The following ARPP21 variants were observed in gnomAD, a reference collection of about 807,000 sequenced individuals.
ARPP21 encodes the protein cAMP-regulated phosphoprotein 21.
A neutral mutation model predicts 113.2 loss-of-function variants in ARPP21; 69 were observed. The ratio of observed to expected loss-of-function variants is 0.61; its 90% confidence interval spans 0.50 to 0.74. The LOEUF is 0.74. Ranked by LOEUF, ARPP21 falls within the 30% of genes least tolerant of loss-of-function variation. The probability of loss-of-function intolerance (pLI) is 0.00; values close to 1 mark genes in which losing one functional copy is unlikely to be tolerated. For missense variants in ARPP21, 1,070 were observed against 1,037.4 expected, an observed-to-expected ratio of 1.03 and a Z score of -0.43; for synonymous variants, 368 against 375.5, an observed-to-expected ratio of 0.98 and a Z score of 0.23.
chr3:35,663,223 G>A (rs2149182843), intron 1 of ARPP21, among the ~76,000 whole-genome samples: 1 of 152,218 alleles, frequency 6.6e-6, no homozygotes, highest in South Asian at 2.1e-4. Context: ...AATAAAAATT[G>A]TGTATTGCTG....
At chr3:35,717,599 G>C (rs528901125) in intron 13 of ARPP21, among the ~76,000 whole-genome samples, 1 of 151,986 alleles carries the variant, frequency 6.6e-6, no homozygotes, top group Admixed American at 6.6e-5. Flanking sequence ...CTTTTTGGGG[G>C]CTAACTTTGG....
At chr3:35,691,676 C>T (rs1407545280) in intron 9 of ARPP21, among the ~76,000 whole-genome samples, 1 of 151,486 alleles carries the variant, frequency 6.6e-6, no homozygotes, top group African/African-American at 2.4e-5. Context: ...TTCACTGAGT[C>T]ACCAAAAGCA....
chr3:35,697,389 GGT>G (rs2084481594), intron 9 of ARPP21, among the ~76,000 whole-genome samples: 1 of 151,564 alleles, frequency 6.6e-6, no homozygotes, highest in South Asian at 2.1e-4. Context: ...TGTGAGCCTG[GGT>G]ATTTTGCCTG....
At chr3:35,737,006 C>T (rs571430580) in intron 15 of ARPP21, among the ~76,000 whole-genome samples, 172 bp from the exon 16 acceptor site, 4 of 152,314 alleles carry the variant, frequency 2.6e-5, no homozygotes, top group Non-Finnish European at 5.9e-5. Context: ...CTAGCTTAAG[C>T]GATGGGTCAC....
chr3:35,658,785 G>A (rs998140744), intron 1 of ARPP21, among the ~76,000 whole-genome samples: 4 of 152,052 alleles, frequency 2.6e-5, no homozygotes, highest in African/African-American at 9.7e-5. Flanking sequence ...GATGTGTAAG[G>A]CTGGACCTGT....
At chr3:35,792,245 A>G (rs971481869) in intron 19 of ARPP21, 137 bp from the exon 20 acceptor site, 1 of 712,754 alleles carries the variant, frequency 1.4e-6, no homozygotes, top group African/African-American at 1.8e-5. Flanking sequence ...TTCTTAGGGA[A>G]TAAACATCTG....
intron 18 of ARPP21, among the ~76,000 whole-genome samples, chr3:35,742,737 T>C (rs1195539320): frequency 6.6e-6 from 1 of 152,186 alleles, no homozygotes. Context: ...GAAAACAAAA[T>C]AACCATGAAA....
intron 19 of ARPP21, among the ~76,000 whole-genome samples, chr3:35,784,538 G>T (rs1177677842): frequency 6.6e-6 from 1 of 152,312 alleles, no homozygotes; most frequent in Non-Finnish European, 1.5e-5. Context: ...ATAGACTCAT[G>T]TTCTGAAAGT....
At chr3:35,768,051 A>G (rs551989084) in intron 19 of ARPP21, among the ~76,000 whole-genome samples, 216 of 150,048 alleles carry the variant, frequency 1.4e-3, no homozygotes, top group African/African-American at 4.5e-3. Flanking sequence ...CTCCAGGCTC[A>G]TACCATGCCC....
chr3:35,742,438 GAGA>G (rs1198500208), intron 18 of ARPP21, among the ~76,000 whole-genome samples: 4 of 152,164 alleles, frequency 2.6e-5, no homozygotes, highest in African/African-American at 4.8e-5. Flanking sequence ...ACAAAAAAGA[GAGA>G]AGTAGTAAGA....
intron 9 of ARPP21, among the ~76,000 whole-genome samples, chr3:35,699,241 A>G (rs746356091): frequency 1.3e-5 from 2 of 151,596 alleles, no homozygotes; most frequent in Admixed American, 6.6e-5. Flanking sequence ...ATAGTTTTGG[A>G]AGAAGCAAGA....
chr3:35,684,379 T>C, intron 5 of ARPP21: 3 of 992,584 alleles, frequency 3.0e-6, no homozygotes, highest in Non-Finnish European at 3.6e-6. Context: ...TTAATATTAT[T>C]AATATATCAC....
chr3:35,731,827 A>T (rs2093995193), intron 15 of ARPP21, among the ~76,000 whole-genome samples: 1 of 152,202 alleles, frequency 6.6e-6, no homozygotes, highest in South Asian at 2.1e-4. Context: ...AGTACACAAC[A>T]GAAATACTTG....
At chr3:35,687,691 A>C in intron 5 of ARPP21, 48 bp from the exon 6 acceptor site, 5 of 1,535,946 alleles carry the variant, frequency 3.3e-6, no homozygotes, top group East Asian at 2.3e-5. Context: ...GGAGCCAGAC[A>C]GAGATGATTA....
At chr3:35,738,392 C>T (rs770776832) in intron 17 of ARPP21, 74 bp downstream of exon 17, 22 of 1,213,962 alleles carry the variant, frequency 1.8e-5, no homozygotes, top group Non-Finnish European at 2.4e-5. Flanking sequence ...TTTTGTGTGC[C>T]ACTGGCTGAC....
intron 15 of ARPP21, among the ~76,000 whole-genome samples, chr3:35,734,124 G>C (rs1223367088): frequency 6.6e-6 from 1 of 152,152 alleles, no homozygotes; most frequent in Non-Finnish European, 1.5e-5. Context: ...TGTGTGCACA[G>C]CATGAGACTT....
chr3:35,709,609 C>T (rs2090395271), intron 11 of ARPP21, among the ~76,000 whole-genome samples: 1 of 151,966 alleles, frequency 6.6e-6, no homozygotes, highest in African/African-American at 2.4e-5. Context: ...AGGGAATAAT[C>T]ATAAAACAAA....
At chr3:35,640,696 G>A (rs1272916301) in intron 1 of ARPP21, among the ~76,000 whole-genome samples, 1 of 152,144 alleles carries the variant, frequency 6.6e-6, no homozygotes, top group East Asian at 1.9e-4. Flanking sequence ...TAGAAAGTTT[G>A]CAATGCTCTT....
At chr3:35,790,801 G>A (rs1335533766) in intron 19 of ARPP21, among the ~76,000 whole-genome samples, 1 of 152,120 alleles carries the variant, frequency 6.6e-6, no homozygotes, top group East Asian at 1.9e-4. Context: ...CGTAATATGT[G>A]GTGTCTTTAC....
Sources: gnomAD v4.1 joint callset for allele counts (sites outside exome capture counted in the v4.1 genomes callset) on GRCh38, gnomAD v4.1.1 for gene constraint, MANE v1.5 for transcripts, NCBI Gene and HGNC (gene_info 2026-07-23, HGNC 2026-07-21) for gene names.